The following PIAS1 variants were observed in gnomAD, a reference collection of about 807,000 sequenced individuals.
PIAS1 encodes E3 SUMO-protein ligase PIAS1.
PIAS1 carries 6 observed loss-of-function variants against 71.3 expected under a neutral mutation model. That is an observed-to-expected ratio of 0.08 (90% CI 0.05 to 0.17). The LOEUF (loss-of-function observed/expected upper bound fraction) is 0.17, where lower values mean the gene tolerates loss of function less well. Among genes scored for constraint, PIAS1 ranks in the 10% least tolerant of loss-of-function variants. The pLI, the probability that PIAS1 is intolerant of heterozygous loss-of-function variation, is 1.00. For synonymous variants in PIAS1, 303 were observed against 292.9 expected, an observed-to-expected ratio of 1.03 and a Z score of -0.35; for missense variants, 555 against 793.6, an observed-to-expected ratio of 0.70 and a Z score of 3.61.
Position 68,186,917 on chromosome 15 carries a change from A to G in PIAS1, c.1663-625A>G, listed in dbSNP as rs1476691316. Among the ~76,000 whole-genome samples, 1 of 152,252 alleles carries G rather than the reference A, an allele frequency of 6.6e-6. No homozygotes were observed. The highest frequency in any genetic ancestry group is 2.4e-5 in the African/African-American group (1 of 41,454). On this transcript the variant is annotated intron_variant, in intron 13 of 13. Coordinates refer to ENST00000249636, the MANE Select transcript of PIAS1 (RefSeq NM_016166.3). The surrounding 1 kb of genome is among the most constrained non-coding windows in gnomAD (Gnocchi z 4.4). ...ACACTGTGATGTTTGCACAGCCACA[A>G]AACCGCCTAATGATGCATTTCTCAA... is the stretch of plus-strand genomic sequence containing the variant.
Position 68,171,983 on chromosome 15 carries a change from A to G in PIAS1, c.1009-1749A>G, listed in dbSNP as rs1226118921. Among the ~76,000 whole-genome samples, 2 of 152,140 alleles carry G rather than the reference A, an allele frequency of 1.3e-5. No homozygotes were observed. Among genetic ancestry groups the G allele is most frequent in the Non-Finnish European group, 2.9e-5 (2 of 68,020 alleles). ...TGGTACATGTGCACAACGTGCAGGT[A>G]TACATGTGCCATATTGGTTTGCTGC... On this transcript the variant is annotated intron_variant, in intron 8 of 13. Coordinates refer to ENST00000249636, the MANE Select transcript of PIAS1 (RefSeq NM_016166.3). This position sits in a 1 kb window ranked among gnomAD's most constrained non-coding sequence, Gnocchi z 4.4.
intron 7 of PIAS1, among the ~76,000 whole-genome samples, chr15:68,157,020 G>C (rs1029314988): frequency 4.6e-5 from 7 of 152,190 alleles, no homozygotes; most frequent in African/African-American, 1.7e-4. Flanking sequence ...ACAGTTTTGA[G>C]AAGCATTGAA....
intron 1 of PIAS1, among the ~76,000 whole-genome samples, chr15:68,077,444 A>G (rs1160555354): frequency 2.0e-5 from 3 of 152,236 alleles, no homozygotes; most frequent in Non-Finnish European, 4.4e-5. Flanking sequence ...AAGCATTTTA[A>G]GAGTCAATTT....
intron 1 of PIAS1, among the ~76,000 whole-genome samples, chr15:68,070,060 G>A (rs1311360531): frequency 2.0e-5 from 3 of 152,166 alleles, no homozygotes; most frequent in Non-Finnish European, 4.4e-5. Context: ...TGTGGGAGGA[G>A]CAAGGAAAAG....
At chr15:68,180,500 C>T (rs1224291757) in intron 11 of PIAS1, among the ~76,000 whole-genome samples, 2 of 150,090 alleles carry the variant, frequency 1.3e-5, no homozygotes, top group African/African-American at 4.9e-5. Flanking sequence ...TTAAACTTTT[C>T]ACTGTTTTTT....
chr15:68,112,579 A>T (rs374863184), intron 2 of PIAS1, among the ~76,000 whole-genome samples: 2 of 152,336 alleles, frequency 1.3e-5, no homozygotes, highest in East Asian at 3.9e-4. Flanking sequence ...AAGAATGCCT[A>T]CTACAGCCTA....
Position 68,178,322 on chromosome 15 carries a change from A to G in PIAS1, c.1481+1668A>G, listed in dbSNP as rs2058693844. On this transcript the variant is annotated intron_variant, in intron 11 of 13. Coordinates refer to ENST00000249636, the MANE Select transcript of PIAS1 (RefSeq NM_016166.3). The surrounding 1 kb of genome is among the most constrained non-coding windows in gnomAD (Gnocchi z 4.2). ...TTTCACACATCGGTATTTTCATTCT[A>G]CAGTAGTCCATCTTGGCATACAGAC... 1.3e-5 allele frequency among the ~76,000 whole-genome samples: 2 copies of G among 152,348 alleles called. No individual in the cohort carries two copies. The highest frequency in any genetic ancestry group is 2.1e-4 in the South Asian group (1 of 4,822).
intron 8 of PIAS1, among the ~76,000 whole-genome samples, chr15:68,169,343 T>G (rs1029703717): frequency 3.0e-4 from 45 of 152,216 alleles, no homozygotes; most frequent in Admixed American, 2.6e-3. Flanking sequence ...ACTACTTTGT[T>G]CTTTTGGCCT....
In PIAS1 at chr15:68,134,870, G is replaced by A. The variant is rs1264729780; in HGVS notation, c.470-7076G>A. Among the ~76,000 whole-genome samples the A allele has an allele frequency of 7.9e-5, 4 of 50,742 alleles. 1 individual carries two copies. Among genetic ancestry groups the A allele is most frequent in the South Asian group, 4.8e-4 (1 of 2,096 alleles). The allele number at this position is 50,742 out of a possible 152,430, so 33.3% of individuals were successfully genotyped here. Reference sequence around the variant, plus strand: ...TGACCCCCCCACCGCCCTCCCGGACGGGGCGGCTGGCCGGGCAGAGGGGCT... The same window carrying A: ...TGACCCCCCCACCGCCCTCCCGGACAGGGCGGCTGGCCGGGCAGAGGGGCT... On this transcript the variant is annotated intron_variant, in intron 2 of 13. Coordinates refer to ENST00000249636, the MANE Select transcript of PIAS1 (RefSeq NM_016166.3).
chr15:68,147,899 A>G (rs555610012), intron 6 of PIAS1, among the ~76,000 whole-genome samples: 28 of 126,304 alleles, frequency 2.2e-4, no homozygotes, highest in African/African-American at 6.6e-4. Context: ...TTCTTAGTCT[A>G]ACATTCTTTT....
At chr15:68,126,578 G>C (rs946599992) in intron 2 of PIAS1, among the ~76,000 whole-genome samples, 1 of 152,194 alleles carries the variant, frequency 6.6e-6, no homozygotes, top group Non-Finnish European at 1.5e-5. Flanking sequence ...CAGGAGCTGG[G>C]ATTGCAGGCG....
intron 6 of PIAS1, among the ~76,000 whole-genome samples, chr15:68,153,042 A>C (rs568758123): frequency 6.6e-6 from 1 of 151,828 alleles, no homozygotes; most frequent in South Asian, 2.1e-4. Flanking sequence ...GCTTGTTGTG[A>C]TAATGGCCCA....
rs555891882 is a variant in PIAS1, at chr15:68,094,058, G to T, written c.469+7308G>T. 2.0e-5 allele frequency among the ~76,000 whole-genome samples: 3 copies of T among 151,946 alleles called. No individual in the cohort carries two copies. The East Asian group carries it at 5.8e-4, about 29-fold the overall frequency. On this transcript the variant is annotated intron_variant, in intron 2 of 13. Transcript: ENST00000249636. ...TTTTTTCATTTTTAAGCCTGGGAAG[G>T]TGGCTTCTATTTAAATTTTGATGTT...
In PIAS1 at chr15:68,188,083, AAAG is replaced by A. The variant is rs2093099968; in HGVS notation, c.*251_*253del. ...CTTGTTTAAAAAAAAAAAGGAAAGA[AAAG>A]AAAAAAGAAAAACAAGCACCCACAA... On this transcript the variant is annotated 3_prime_UTR_variant, in exon 14 of 14. Coordinates refer to ENST00000249636, the MANE Select transcript of PIAS1 (RefSeq NM_016166.3). The A allele has an allele frequency of 1.1e-5, 3 of 281,482 alleles. No individual in the cohort carries two copies. Among genetic ancestry groups the A allele is most frequent in the Admixed American group, 4.8e-5 (1 of 20,976 alleles). The allele number at this position is 281,482 out of a possible 1,614,324, so 17.4% of individuals were successfully genotyped here. A position where few individuals can be genotyped will look rare whatever the true frequency, so the allele number is the denominator to read the frequency against.
At chr15:68,094,483 G>A (rs1010485850) in intron 2 of PIAS1, among the ~76,000 whole-genome samples, 1 of 151,978 alleles carries the variant, frequency 6.6e-6, no homozygotes, top group Admixed American at 6.6e-5. Context: ...GTGCAGTGTG[G>A]GTAAGGTTTC....
intron 3 of PIAS1, 105 bp from the exon 4 acceptor site, chr15:68,142,185 T>C (rs990785938): frequency 2.9e-6 from 3 of 1,036,568 alleles, no homozygotes; most frequent in Admixed American, 4.1e-5. Flanking sequence ...AGAACAGTTA[T>C]ATTTATGATA....
chr15:68,084,005 A>G (rs1025784380), intron 1 of PIAS1, among the ~76,000 whole-genome samples: 1 of 152,180 alleles, frequency 6.6e-6, no homozygotes, highest in African/African-American at 2.4e-5. Flanking sequence ...AGGGCGCTCA[A>G]GTTTATTGTT....
At position 68,189,798 on chromosome 15, in the gene PIAS1, C is replaced by T. The variant is rs2093110621; in HGVS notation, c.*1963C>T. ...AAACCAAAACAGATTGTCAGTTAAC[C>T]AGGAAACAGTTAATGTTTTTTAATG... On this transcript the variant is annotated 3_prime_UTR_variant, in exon 14 of 14. Transcript: ENST00000249636. 1 of 151,806 alleles carries T rather than the reference C, an allele frequency of 6.6e-6. No homozygotes were observed. Among genetic ancestry groups the T allele is most frequent in the Non-Finnish European group, 1.5e-5 (1 of 67,978 alleles). The allele number at this position is 151,806 out of a possible 1,614,324, so 9.4% of individuals were successfully genotyped here. A position where few individuals can be genotyped will look rare whatever the true frequency, so the allele number is the denominator to read the frequency against.
intron 2 of PIAS1, among the ~76,000 whole-genome samples, chr15:68,114,479 T>G (rs1356756726): frequency 6.6e-6 from 1 of 152,110 alleles, no homozygotes; most frequent in Non-Finnish European, 1.5e-5. Context: ...ATTACATAGT[T>G]GTCAAGTTTT....
Sources: gnomAD v4.1 joint callset for allele counts (sites outside exome capture counted in the v4.1 genomes callset) on GRCh38, gnomAD v4.1.1 for gene constraint, Gnocchi (gnomAD v3.1) non-coding constraint, MANE v1.5 for transcripts, NCBI Gene and HGNC (gene_info 2026-07-23, HGNC 2026-07-21) for gene names.